ZNF254: variants seen among roughly 807,000 people sequenced by gnomAD.
ZNF254 encodes CTD-2017D11.1.
Under a neutral mutation model 12.4 loss-of-function variants are expected in ZNF254, and 10 were observed. That is an observed-to-expected ratio of 0.80 (90% CI 0.50 to 1.36). ZNF254 has a LOEUF of 1.36. Among genes scored for constraint, ZNF254 ranks in the 40% most tolerant of loss-of-function variants. The probability of loss-of-function intolerance (pLI) is 0.00; values close to 1 mark genes in which losing one functional copy is unlikely to be tolerated. For synonymous variants in ZNF254, 305 were observed against 253.4 expected (o/e 1.20, Z -1.93); for missense variants, 996 against 763.9 (o/e 1.30, Z -3.58).
chr19:24,094,267 T>C (rs1972550212), intron 1 of ZNF254, among the ~76,000 whole-genome samples: 1 of 152,134 alleles, frequency 6.6e-6, no homozygotes, highest in African/African-American at 2.4e-5. Context: ...TATTTATTTT[T>C]ATTTTTATTT....
At chr19:24,076,212 TAA>T (rs1971652246) in intron 2 of ZNF254, among the ~76,000 whole-genome samples, 1 of 152,176 alleles carries the variant, frequency 6.6e-6, no homozygotes, top group South Asian at 2.1e-4. Flanking sequence ...GGGGAAGTGA[TAA>T]GTGTCCATGA....
At chr19:24,085,426 A>ATATATATATATATATATATATATATGT (rs369443689), upstream of ZNF254, among the ~76,000 whole-genome samples, 5 of 105,666 alleles carry the variant, frequency 4.7e-5, 1 homozygote, top group Admixed American at 2.1e-4. Context: ...ATATATATAT[A>ATATATATATATATATATATATATATGT]AAAACTAAGA....
At chr19:24,101,657 GTT>G (rs1973036146) in intron 1 of ZNF254, among the ~76,000 whole-genome samples, 1 of 152,210 alleles carries the variant, frequency 6.6e-6, no homozygotes, top group African/African-American at 2.4e-5. Flanking sequence ...GGTGATCCAG[GTT>G]CTGCAGCTCC....
At chr19:24,071,074 G>A (rs1004395770) in intron 2 of ZNF254, among the ~76,000 whole-genome samples, 1 of 152,058 alleles carries the variant, frequency 6.6e-6, no homozygotes, top group Non-Finnish European at 1.5e-5. Flanking sequence ...TAGGCAAGAA[G>A]GAAGGGAGAA....
At chr19:24,115,387 A>T (rs899320354) in intron 3 of ZNF254, among the ~76,000 whole-genome samples, 1 of 152,162 alleles carries the variant, frequency 6.6e-6, no homozygotes, top group African/African-American at 2.4e-5. Flanking sequence ...GACATGGATG[A>T]AATTGGAAAT....
chr19:24,092,645 T>G (rs1479881096), intron 1 of ZNF254, among the ~76,000 whole-genome samples: 1 of 152,090 alleles, frequency 6.6e-6, no homozygotes, highest in East Asian at 1.9e-4. Flanking sequence ...CCTCTCAGAG[T>G]GCTGGGATTA....
chr19:24,055,025 A>G lies in ZNF254; in HGVS notation c.-94+8746A>G, dbSNP rs554397222. Among the ~76,000 whole-genome samples the G allele has an allele frequency of 1.1e-4, 17 of 151,274 alleles. No homozygotes were observed. The East Asian group carries it at 3.4e-3, about 30-fold the overall frequency. On this transcript the variant is annotated intron_variant, in intron 2 of 4. Transcript: ENST00000613065. Reference sequence around the variant, plus strand: ...AGACCAGCCTGACCAACATGTTGAAACCCCATCTCTACTAAAAAATACAAA... The same window carrying G: ...AGACCAGCCTGACCAACATGTTGAAGCCCCATCTCTACTAAAAAATACAAA...
At position 24,129,637 on chromosome 19, in the gene ZNF254, C is replaced by T. The variant is rs1483865352; in HGVS notation, c.*1657C>T. The T allele has an allele frequency of 1.3e-5, 2 of 151,806 alleles. No individual in the cohort carries two copies. Among genetic ancestry groups the T allele is most frequent in the Non-Finnish European group, 2.9e-5 (2 of 67,888 alleles). The allele number at this position is 151,806 out of a possible 1,614,324, so 9.4% of individuals were successfully genotyped here. A position where few individuals can be genotyped will look rare whatever the true frequency, so the allele number is the denominator to read the frequency against. On this transcript the variant is annotated 3_prime_UTR_variant, in exon 4 of 4. Coordinates refer to ENST00000357002, the MANE Select transcript of ZNF254 (RefSeq NM_203282.4). Reference sequence around the variant, plus strand: ...TGGTATATTTTGATGCAGGCATACTCTATATAATAATCACATTAGAGGAAA... The same window carrying T: ...TGGTATATTTTGATGCAGGCATACTTTATATAATAATCACATTAGAGGAAA...
intron 2 of ZNF254, chr19:24,063,780 A>AC (rs1382106545): frequency 1.4e-5 from 2 of 141,704 alleles, no homozygotes; most frequent in African/African-American, 5.0e-5. Context: ...AGGTGATGTT[A>AC]CTTTTTTTTT....
chr19:24,118,774 C>T (rs1223439916), intron 3 of ZNF254, among the ~76,000 whole-genome samples: 2 of 151,884 alleles, frequency 1.3e-5, no homozygotes, highest in Non-Finnish European at 2.9e-5. Context: ...AAAATGGCGC[C>T]AAGATTATTG....
At position 24,128,238 on chromosome 19, in the gene ZNF254, C is replaced by G; in HGVS notation, c.*258C>G. 2.5e-6 allele frequency: 1 copy of G among 398,188 alleles called. No individual in the cohort carries two copies. The highest frequency in any genetic ancestry group is 3.9e-5 in the East Asian group (1 of 25,584). 24.7% of individuals were successfully genotyped at this position (398,188 alleles called of 1,614,324 possible). A position where few individuals can be genotyped will look rare whatever the true frequency, so the allele number is the denominator to read the frequency against. On this transcript the variant is annotated 3_prime_UTR_variant, in exon 4 of 4. Coordinates refer to ENST00000357002, the MANE Select transcript of ZNF254 (RefSeq NM_203282.4). The stretch of plus-strand genomic sequence containing the variant: ...TGTGAACAACGTGGCCAAGCTTCGA[C>G]AATGCTCACACCCTATTGCACAGGA...
At chr19:24,095,775 G>A (rs1972635172) in intron 1 of ZNF254, among the ~76,000 whole-genome samples, 1 of 151,860 alleles carries the variant, frequency 6.6e-6, no homozygotes, top group African/African-American at 2.4e-5. Context: ...TCCTTATCTA[G>A]TTAGTGGTTT....
chr19:24,063,971 A>T (rs1971176499), intron 2 of ZNF254: 1 of 152,132 alleles, frequency 6.6e-6, no homozygotes, highest in Non-Finnish European at 1.5e-5. Context: ...ATGTGATGTG[A>T]CATTCCTCTT....
In ZNF254 at chr19:24,069,207, T is replaced by C. The variant is rs535374525; in HGVS notation, c.-94+22928T>C. Among the ~76,000 whole-genome samples the C allele has an allele frequency of 7.9e-5, 12 of 151,908 alleles. No individual in the cohort carries two copies. In the East Asian group the frequency reaches 2.2e-3, roughly 28 times the overall value. On this transcript the variant is annotated intron_variant, in intron 2 of 4. Coordinates refer to the ZNF254 transcript ENST00000613065. ...TTTTATTACAGATGAGTTTTCACCA[T>C]GTTGGCCAGGCTGGTCTTGAACTCC...
At chr19:24,116,928 T>A (rs1427019715) in intron 3 of ZNF254, among the ~76,000 whole-genome samples, 1 of 152,188 alleles carries the variant, frequency 6.6e-6, no homozygotes, top group Non-Finnish European at 1.5e-5. Flanking sequence ...GACCCTCAGC[T>A]GCAGGTCTGT....
chr19:24,087,490 G>T (rs1250434379), intron 1 of ZNF254, among the ~76,000 whole-genome samples, 153 bp downstream of exon 1: 2 of 152,204 alleles, frequency 1.3e-5, no homozygotes, highest in East Asian at 3.9e-4. Flanking sequence ...GATGGCGGCT[G>T]CGCTGACAGC....
chr19:24,049,208 A>ATTTT (rs1370365405), intron 2 of ZNF254, among the ~76,000 whole-genome samples: 16 of 47,548 alleles, frequency 3.4e-4, no homozygotes, highest in African/African-American at 1.3e-3. Context: ...ATATATATAT[A>ATTTT]TATATATTTT....
At chr19:24,094,965 G>T (rs892165914) in intron 1 of ZNF254, among the ~76,000 whole-genome samples, 4 of 152,166 alleles carry the variant, frequency 2.6e-5, no homozygotes, top group Non-Finnish European at 5.9e-5. Context: ...GGAATTACAG[G>T]CATGAGCCAC....
At chr19:24,102,721 T>A (rs1973108026) in intron 1 of ZNF254, among the ~76,000 whole-genome samples, 1 of 152,206 alleles carries the variant, frequency 6.6e-6, no homozygotes, top group African/African-American at 2.4e-5. Flanking sequence ...AACCAGTGTT[T>A]ACAGAGACAT....
Sources: gnomAD v4.1 joint callset for allele counts (sites outside exome capture counted in the v4.1 genomes callset) on GRCh38, gnomAD v4.1.1 for gene constraint, MANE v1.5 for transcripts, NCBI Gene and HGNC (gene_info 2026-07-23, HGNC 2026-07-21) for gene names.